The following SERPINA3 variants were observed in gnomAD, a reference collection of about 807,000 sequenced individuals.
SERPINA3 encodes the protein serpin family A member 3, also known as alpha-1-antichymotrypsin.
SERPINA3 carries 32 observed loss-of-function variants against 26.8 expected under a neutral mutation model. That is an observed-to-expected ratio of 1.20 (90% CI 0.90 to 1.61). The LOEUF (loss-of-function observed/expected upper bound fraction) is 1.61, where lower values mean the gene tolerates loss of function less well. Among genes scored for constraint, SERPINA3 ranks in the 40% most tolerant of loss-of-function variants. The pLI is 0.00. For missense variants in SERPINA3, 632 were observed against 517.9 expected, an observed-to-expected ratio of 1.22 and a Z score of -2.14; for synonymous variants, 252 against 206.4, an observed-to-expected ratio of 1.22 and a Z score of -1.89.
At chr14:94,620,041 T>G in intron 3 of SERPINA3, 1 of 253,432 alleles carries the variant, frequency 3.9e-6, no homozygotes. Context: ...AGTTACGTGA[T>G]ATATTAGAAG....
intron 4 of SERPINA3, among the ~76,000 whole-genome samples, chr14:94,623,298 G>A (rs1175002313): frequency 1.3e-5 from 2 of 152,204 alleles, no homozygotes; most frequent in Non-Finnish European, 2.9e-5. Flanking sequence ...CCTCCCAACA[G>A]TAGTGGCTGT....
At chr14:94,621,085 T>C (rs1161093908) in intron 3 of SERPINA3, among the ~76,000 whole-genome samples, 1 of 152,150 alleles carries the variant, frequency 6.6e-6, no homozygotes, top group East Asian at 1.9e-4. Context: ...AACACTAACC[T>C]GAGGCTGCAA....
chr14:94,617,158 CAG>C (rs1303990486), intron 2 of SERPINA3, among the ~76,000 whole-genome samples: 1 of 152,190 alleles, frequency 6.6e-6, no homozygotes, highest in Non-Finnish European at 1.5e-5. Flanking sequence ...ATGGAGGCCA[CAG>C]AAGCCCCTGA....
chr14:94,622,702 A>C, intron 4 of SERPINA3: 1 of 613,780 alleles, frequency 1.6e-6, no homozygotes, highest in Non-Finnish European at 2.9e-6. Context: ...CTACAACATA[A>C]TGTCATCCAG....
chr14:94,622,708 T>C (rs2139966069), intron 4 of SERPINA3: 1 of 605,594 alleles, frequency 1.7e-6, no homozygotes, highest in South Asian at 1.8e-5. Flanking sequence ...CATAATGTCA[T>C]CCAGGCTTGG....
intron 3 of SERPINA3, chr14:94,619,789 G>A (rs1886134856): frequency 4.6e-6 from 2 of 435,584 alleles, no homozygotes; most frequent in South Asian, 4.4e-5. Context: ...GAAACAGAAG[G>A]AATTGTGATC....
chr14:94,622,534 C>A, intron 4 of SERPINA3, 43 bp downstream of exon 4: 2 of 1,609,130 alleles, frequency 1.2e-6, no homozygotes, highest in Non-Finnish European at 8.5e-7. Context: ...TGTATCCGAA[C>A]TTGAATTGGT....
chr14:94,622,216 T>A, intron 3 of SERPINA3, 125 bp from the exon 4 acceptor site: 1 of 849,156 alleles, frequency 1.2e-6, no homozygotes, highest in Non-Finnish European at 2.0e-6. Flanking sequence ...GAGGAACAGA[T>A]TATTTATTTT....
At chr14:94,619,833 T>C (rs949802580) in intron 3 of SERPINA3, 1 of 370,112 alleles carries the variant, frequency 2.7e-6, no homozygotes, top group Non-Finnish European at 5.1e-6. Context: ...ACTCTGAGAA[T>C]CAGTTCTGCA....
rs140011518 is a variant in SERPINA3, at chr14:94,614,804, C to T, written c.363C>T (p.His121=). 379 of 1,614,104 alleles carry T rather than the reference C, an allele frequency of 2.3e-4. 1 individual carries two copies. Among genetic ancestry groups the T allele is most frequent in the Non-Finnish European group, 2.9e-4 (346 of 1,180,052 alleles). The change falls in exon 2 of 5, where the codon CAC becomes CAT. Residue 121 remains histidine, a synonymous_variant. Transcript: ENST00000393078. ...SEAEIHQSFQ[H]LLRTLNQSSD... ...CAGAAATTCACCAGAGCTTCCAGCA[C>T]CTCCTGCGCACCCTCAATCAGTCCA...
chr14:94,614,682 T>C lies in SERPINA3; in HGVS notation c.241T>C (p.Ser81Pro), dbSNP rs1595094373. The change falls in exon 2 of 5, where the codon TCC (serine) becomes CCC (proline). Residue 81 changes from serine to proline, a missense_variant. Ser to Pro is a moderately conservative substitution (Grantham distance 74). Coordinates refer to ENST00000393078, the MANE Select transcript of SERPINA3 (RefSeq NM_001085.5). ...KNVIFSPLSI[S>P]TALAFLSLGA... ...TGTCATCTTCTCCCCACTGAGCATC[T>C]CCACCGCCTTGGCCTTCCTGTCTCT... The C allele has an allele frequency of 6.2e-7, 1 of 1,613,996 alleles. No homozygotes were observed. The highest frequency in any genetic ancestry group is 8.5e-7 in the Non-Finnish European group (1 of 1,180,000).
rs1005976329 is a variant in SERPINA3, at chr14:94,614,900, C to G, written c.459C>G (p.Phe153Leu). ...AGCAACTCAGTCTGCTGGACAGGTTCACGGAGGATGCCAAGAGGCTGTATG... is the reference window on the plus strand; with the variant it reads ...AGCAACTCAGTCTGCTGGACAGGTTGACGGAGGATGCCAAGAGGCTGTATG... Reference protein sequence around the residue: ...VKEQLSLLDRFTEDAKRLYGS... With the variant: ...VKEQLSLLDRLTEDAKRLYGS... The change falls in exon 2 of 5, where the codon TTC (phenylalanine) becomes TTG (leucine). Residue 153 changes from phenylalanine to leucine, a missense_variant. Phe to Leu is a conservative substitution (Grantham distance 22, BLOSUM62 0). Coordinates refer to ENST00000393078, the MANE Select transcript of SERPINA3 (RefSeq NM_001085.5). 6.2e-7 allele frequency: 1 copy of G among 1,614,200 alleles called. No individual in the cohort carries two copies. Among genetic ancestry groups the G allele is most frequent in the African/African-American group, 1.3e-5 (1 of 75,058 alleles).
chr14:94,623,409 G>T (rs1201556692), intron 4 of SERPINA3, among the ~76,000 whole-genome samples: 1 of 152,146 alleles, frequency 6.6e-6, no homozygotes. Flanking sequence ...CTCAGCATCT[G>T]GGTCTCCATT....
At chr14:94,617,662 G>T (rs1187887116) in intron 2 of SERPINA3, 1 of 152,176 alleles carries the variant, frequency 6.6e-6, no homozygotes, top group Non-Finnish European at 1.5e-5. Flanking sequence ...GGGCCCATTT[G>T]AAAATTCCTT....
At position 94,619,128 on chromosome 14, in the gene SERPINA3, C is replaced by T. The variant is rs8004988; in HGVS notation, c.644-67C>T. 52 of 1,584,830 alleles carry T rather than the reference C, an allele frequency of 3.3e-5. No homozygotes were observed. In the Middle Eastern group the frequency reaches 1.6e-3, roughly 49 times the overall value. ...GGGACTCTGGGCACTTCCACTGCTG[C>T]GGAAGCAGGGTCGAGCAGGGCGACC... On this transcript the variant is annotated intron_variant, in intron 2 of 4. Transcript: ENST00000393078.
Position 94,615,037 on chromosome 14 carries a change from T to C in SERPINA3, c.596T>C (p.Leu199Pro). 6.2e-7 allele frequency: 1 copy of C among 1,614,180 alleles called. No homozygotes were observed. The highest frequency in any genetic ancestry group is 8.5e-7 in the Non-Finnish European group (1 of 1,180,026). The change falls in exon 2 of 5, where the codon CTT becomes CCT. Residue 199 changes from leucine to proline, a missense_variant. Leu to Pro is a moderately conservative substitution (Grantham distance 98). Coordinates refer to ENST00000393078, the MANE Select transcript of SERPINA3 (RefSeq NM_001085.5). ...RGKITDLIKD[L>P]DSQTMMVLVN... ...AAAATCACAGATCTGATCAAGGACC[T>C]TGACTCGCAGACAATGATGGTCCTG...
At chr14:94,623,476 C>G (rs115478078) in intron 4 of SERPINA3, 135 bp from the exon 5 acceptor site, 3 of 825,314 alleles carry the variant, frequency 3.6e-6, no homozygotes, top group Non-Finnish European at 4.1e-6. Context: ...TTGGGAGGAG[C>G]AAACATTCAA....
chr14:94,616,606 C>T (rs1186189695), intron 2 of SERPINA3, among the ~76,000 whole-genome samples: 2 of 152,104 alleles, frequency 1.3e-5, no homozygotes, highest in Non-Finnish European at 2.9e-5. Context: ...GATTGACTCA[C>T]CCAGTGATGC....
chr14:94,619,930 C>T (rs565184579), intron 3 of SERPINA3: 1 of 198,724 alleles, frequency 5.0e-6, no homozygotes, highest in South Asian at 1.3e-4. Flanking sequence ...CTAATTTGCA[C>T]CCTGAGAGTA....
Sources: allele counts gnomAD v4.1 joint callset (sites outside exome capture counted in the v4.1 genomes callset), GRCh38; gene constraint gnomAD v4.1.1; transcripts MANE v1.5; gene names NCBI Gene and HGNC (gene_info 2026-07-23, HGNC 2026-07-21).